The following KCNK2 variants were observed in gnomAD, a reference collection of about 807,000 sequenced individuals.
The protein encoded by KCNK2 is potassium two pore domain channel subfamily K member 2, also known as potassium channel subfamily K member 2.
KCNK2 carries 21 observed loss-of-function variants against 40.5 expected under a neutral mutation model. The ratio of observed to expected loss-of-function variants is 0.52; its 90% CI spans 0.37 to 0.75. The LOEUF (loss-of-function observed/expected upper bound fraction) is 0.75. Among genes scored for constraint, KCNK2 ranks in the 30% least tolerant of loss-of-function variants. The probability of loss-of-function intolerance (pLI) is 0.00; values close to 1 mark genes in which losing one functional copy is unlikely to be tolerated. For missense variants in KCNK2, 399 were observed against 531.6 expected (o/e 0.75, Z 2.45); for synonymous variants, 191 against 202.2 (o/e 0.94, Z 0.47).
At chr1:215,170,433 G>A (rs1236917630) in intron 4 of KCNK2, among the ~76,000 whole-genome samples, 2 of 152,090 alleles carry the variant, frequency 1.3e-5, no homozygotes, top group Non-Finnish European at 2.9e-5. Flanking sequence ...CCTGTTAGAG[G>A]GTGGGATTAT....
At chr1:215,033,239 T>C (rs749142684) in intron 1 of KCNK2, among the ~76,000 whole-genome samples, 1 of 151,182 alleles carries the variant, frequency 6.6e-6, no homozygotes, top group Non-Finnish European at 1.5e-5. Context: ...CTAAAAAATT[T>C]AATCTCTCTG....
chr1:215,095,888 T>A (rs1433396235), intron 2 of KCNK2, among the ~76,000 whole-genome samples: 1 of 151,942 alleles, frequency 6.6e-6, no homozygotes, highest in Admixed American at 6.6e-5. Flanking sequence ...TGAGCACAAT[T>A]ATAAGGACAC....
chr1:215,052,868 T>C (rs1317574649), intron 1 of KCNK2, among the ~76,000 whole-genome samples: 5 of 152,186 alleles, frequency 3.3e-5, no homozygotes, highest in African/African-American at 7.2e-5. Flanking sequence ...TAGCATATGA[T>C]AGATGAGCAT....
In KCNK2 at chr1:215,097,819, G is replaced by C. The variant is rs531510271; in HGVS notation, c.357+11141G>C. Among the ~76,000 whole-genome samples the C allele has an allele frequency of 2.6e-5, 4 of 152,072 alleles. No individual in the cohort carries two copies. The South Asian group carries it at 8.3e-4, about 31-fold the overall frequency. ...TTAATAAGTAAAATAGAGAGGAATA[G>C]AACCTGTGACAAGACAAAAGAGACT... is the stretch of plus-strand genomic sequence containing the variant. On this transcript the variant is annotated intron_variant, in intron 2 of 6. Coordinates refer to ENST00000444842, the MANE Select transcript of KCNK2 (RefSeq NM_001017425.3).
At chr1:215,036,722 A>G (rs900259490) in intron 1 of KCNK2, among the ~76,000 whole-genome samples, 17 of 151,862 alleles carry the variant, frequency 1.1e-4, no homozygotes, top group Admixed American at 1.1e-3. Context: ...GTAGTATTCA[A>G]TGTACAGATT....
intron 2 of KCNK2, among the ~76,000 whole-genome samples, chr1:215,091,074 G>T (rs1335356242): frequency 6.6e-6 from 1 of 152,208 alleles, no homozygotes; most frequent in African/African-American, 2.4e-5. Context: ...CATTACCGTA[G>T]AAATACTTAC....
At chr1:215,209,438 A>ATT (rs1665500137) in intron 6 of KCNK2, among the ~76,000 whole-genome samples, 7 of 9,710 alleles carry the variant, frequency 7.2e-4, no homozygotes, top group African/African-American at 9.7e-4. Context: ...TATAATATAA[A>ATT]ATATATAATA....
At chr1:215,061,024 C>T (rs1467864466) in intron 1 of KCNK2, among the ~76,000 whole-genome samples, 5 of 152,156 alleles carry the variant, frequency 3.3e-5, no homozygotes, top group East Asian at 1.9e-4. Flanking sequence ...TAGTATTTAA[C>T]GTGTATATAA....
rs751479973 is a variant in KCNK2 at position 215,039,011 on chromosome 1, C to T, written c.34+33056C>T. Among the ~76,000 whole-genome samples the T allele has an allele frequency of 3.3e-5, 5 of 151,880 alleles. No individual in the cohort carries two copies. The East Asian group carries it at 7.7e-4, about 23-fold the overall frequency. On this transcript the variant is annotated intron_variant, in intron 1 of 6. Coordinates refer to the KCNK2 transcript ENST00000391895. ...AAAAAAAAGAATGAAGATTTCAGTTCGGGTAGAATTTAGGTTGGACTGACA... is the reference window on the plus strand; with the variant it reads ...AAAAAAAAGAATGAAGATTTCAGTTTGGGTAGAATTTAGGTTGGACTGACA...
chr1:215,117,572 A>G (rs932169743), intron 2 of KCNK2, among the ~76,000 whole-genome samples: 5 of 152,160 alleles, frequency 3.3e-5, no homozygotes, highest in African/African-American at 1.2e-4. Context: ...ATTCTTTTGC[A>G]TGCTCATATT....
Position 215,203,519 on chromosome 1 carries a change from G to A in KCNK2, c.963+8427G>A, listed in dbSNP as rs371529811. On this transcript the variant is annotated intron_variant, in intron 6 of 6. Transcript: ENST00000444842. ...AATTATCTCAAATCAATTTTATAAA[G>A]TTTTAAGACTATATATATATATAAT... 2.6e-5 allele frequency among the ~76,000 whole-genome samples: 4 copies of A among 151,712 alleles called. No homozygotes were observed. In the South Asian group the frequency reaches 8.3e-4, roughly 31 times the overall value.
At chr1:215,131,696 T>A (rs745702789) in intron 3 of KCNK2, among the ~76,000 whole-genome samples, 1 of 151,992 alleles carries the variant, frequency 6.6e-6, no homozygotes, top group Non-Finnish European at 1.5e-5. Flanking sequence ...GCCACTATGG[T>A]CTACAGTGAC....
intron 1 of KCNK2, among the ~76,000 whole-genome samples, chr1:215,055,220 T>C (rs1010971136): frequency 6.6e-6 from 1 of 152,236 alleles, no homozygotes; most frequent in African/African-American, 2.4e-5. Flanking sequence ...TATCACTCTT[T>C]GAGTCTGTTC....
At chr1:215,158,052 G>C (rs1663008511) in intron 3 of KCNK2, among the ~76,000 whole-genome samples, 1 of 152,196 alleles carries the variant, frequency 6.6e-6, no homozygotes, top group African/African-American at 2.4e-5. Context: ...TAATCACTCT[G>C]TGAGGGATGC....
Position 215,008,112 on chromosome 1 carries a change from A to G in KCNK2, c.34+2157A>G, listed in dbSNP as rs1656249366. 2.0e-5 allele frequency among the ~76,000 whole-genome samples: 3 copies of G among 151,248 alleles called. No individual in the cohort carries two copies. The South Asian group carries it at 6.4e-4, about 32-fold the overall frequency. On this transcript the variant is annotated intron_variant, in intron 1 of 6. Coordinates refer to the KCNK2 transcript ENST00000391895. ...ATGACACAATATTACAGAAGTCCTAAGTCTTTTTTTTTTTTTTTAAGGAAA... is the reference window on the plus strand; with the variant it reads ...ATGACACAATATTACAGAAGTCCTAGGTCTTTTTTTTTTTTTTTAAGGAAA...
chr1:215,072,780 G>C (rs1422675433), intron 1 of KCNK2, among the ~76,000 whole-genome samples: 2 of 152,158 alleles, frequency 1.3e-5, no homozygotes, highest in Non-Finnish European at 2.9e-5. Context: ...CATACTACAT[G>C]TAAAACATTG....
intron 6 of KCNK2, among the ~76,000 whole-genome samples, chr1:215,212,634 C>T (rs1440036486): frequency 6.6e-6 from 1 of 152,128 alleles, no homozygotes; most frequent in Non-Finnish European, 1.5e-5. Flanking sequence ...CCAACCTCTC[C>T]AATGAGAAAA....
chr1:215,070,472 G>A (rs1187759412), intron 1 of KCNK2, among the ~76,000 whole-genome samples: 2 of 146,348 alleles, frequency 1.4e-5, no homozygotes, highest in African/African-American at 5.0e-5. Context: ...TTGACTTATA[G>A]TTCCACATGG....
intron 3 of KCNK2, among the ~76,000 whole-genome samples, chr1:215,160,235 T>C (rs1663131872): frequency 6.6e-6 from 1 of 152,144 alleles, no homozygotes; most frequent in South Asian, 2.1e-4. Context: ...TCTTAAGAAA[T>C]AACACAGCAG....
Sources: gnomAD v4.1 joint callset for allele counts (sites outside exome capture counted in the v4.1 genomes callset) on GRCh38, gnomAD v4.1.1 for gene constraint, MANE v1.5 for transcripts, NCBI Gene and HGNC (gene_info 2026-07-23, HGNC 2026-07-21) for gene names.